Variants in DAB1 observed in about 807,000 individuals in gnomAD.
DAB1 encodes the protein DAB adaptor protein 1.
A neutral mutation model predicts 64.6 loss-of-function variants in DAB1; 15 were observed. That is an observed-to-expected ratio of 0.23 (90% confidence interval 0.16 to 0.36). DAB1 has a LOEUF of 0.36. DAB1 is among the 10% of genes least tolerant of loss of function. The probability of loss-of-function intolerance (pLI) is 1.00; values close to 1 mark genes in which losing one functional copy is unlikely to be tolerated. For missense variants in DAB1, 596 were observed against 706.7 expected, an observed-to-expected ratio of 0.84 and a Z score of 1.78; for synonymous variants, 235 against 251.9, an observed-to-expected ratio of 0.93 and a Z score of 0.64.
At chr1:57,198,109 T>TAC (rs937628862) in intron 2 of DAB1, among the ~76,000 whole-genome samples, 1 of 152,092 alleles carries the variant, frequency 6.6e-6, no homozygotes, top group African/African-American at 2.4e-5. Flanking sequence ...AAACCTCCAA[T>TAC]AAGGTGGAAG....
intron 5 of DAB1, among the ~76,000 whole-genome samples, chr1:57,930,334 C>T (rs1195690702): frequency 1.3e-5 from 2 of 152,182 alleles, no homozygotes; most frequent in Non-Finnish European, 2.9e-5. Flanking sequence ...TCACTTTGTT[C>T]TCCACCAATA....
intron 6 of DAB1, among the ~76,000 whole-genome samples, chr1:57,768,342 G>A (rs3118058): frequency 0.57 from 86,668 of 151,396 alleles, 24,918 homozygotes; most frequent in East Asian, 0.65. Flanking sequence ...TTATGCAGTT[G>A]TTGTAAAGAT....
At chr1:57,555,887 T>C (rs967862570) in intron 7 of DAB1, among the ~76,000 whole-genome samples, 2 of 152,174 alleles carry the variant, frequency 1.3e-5, no homozygotes, top group African/African-American at 4.8e-5. Flanking sequence ...CTTTCATTCC[T>C]TTACATTCTA....
At chr1:57,850,064 A>C (rs1435820724) in intron 1 of DAB1, among the ~76,000 whole-genome samples, 1 of 152,180 alleles carries the variant, frequency 6.6e-6, no homozygotes, top group African/African-American at 2.4e-5. Context: ...TGGACAGGAA[A>C]AAATGGGAGG....
intron 3 of DAB1, among the ~76,000 whole-genome samples, chr1:58,422,918 T>C (rs1426548283): frequency 1.3e-5 from 2 of 152,178 alleles, no homozygotes; most frequent in Admixed American, 1.3e-4. Context: ...CAAATCTGAT[T>C]GGCCAAACTC....
chr1:57,725,945 G>C (rs1213349973), intron 6 of DAB1, among the ~76,000 whole-genome samples: 5 of 152,034 alleles, frequency 3.3e-5, no homozygotes, highest in African/African-American at 1.2e-4. Context: ...GTAGAGACAG[G>C]GTTTCACCAT....
intron 4 of DAB1, among the ~76,000 whole-genome samples, chr1:58,224,324 G>C (rs1424586520): frequency 2.0e-5 from 3 of 152,184 alleles, no homozygotes; most frequent in Non-Finnish European, 4.4e-5. Flanking sequence ...GTAACAAGTA[G>C]TAGCAGTAGC....
At chr1:58,487,348 A>G (rs535100194) in intron 3 of DAB1, among the ~76,000 whole-genome samples, 1 of 152,244 alleles carries the variant, frequency 6.6e-6, no homozygotes, top group Non-Finnish European at 1.5e-5. Flanking sequence ...ATTTGAGGAT[A>G]ATTAACTTGC....
At chr1:57,931,751 A>G (rs1444940357) in intron 5 of DAB1, among the ~76,000 whole-genome samples, 1 of 152,128 alleles carries the variant, frequency 6.6e-6, no homozygotes, top group Non-Finnish European at 1.5e-5. Context: ...TTCCACAGTT[A>G]GCCTGGTTAC....
intron 4 of DAB1, among the ~76,000 whole-genome samples, chr1:57,084,144 T>C (rs1277864108): frequency 6.6e-6 from 1 of 152,184 alleles, no homozygotes; most frequent in Non-Finnish European, 1.5e-5. Context: ...AACAGAGTCA[T>C]TATAGAAGTA....
In DAB1 at chr1:57,207,446, C is replaced by CTTTTTTTTTTTTTTTTTTTTTTTTTT. The variant is rs772989513; in HGVS notation, c.68-62018_68-62017insAAAAAAAAAAAAAAAAAAAAAAAAAA. The stretch of plus-strand genomic sequence containing the variant: ...CTGTAATTCATACCTTATTTCCTTT[C>CTTTTTTTTTTTTTTTTTTTTTTTTTT]TTTTTTTTTTTTTTTGAGATGGAGT... On this transcript the variant is annotated intron_variant, in intron 2 of 14. Coordinates refer to ENST00000371236, the MANE Select transcript of DAB1 (RefSeq NM_001365792.1). Among the ~76,000 whole-genome samples, 21 of 98,450 alleles carry CTTTTTTTTTTTTTTTTTTTTTTTTTT rather than the reference C, an allele frequency of 2.1e-4. 5 individuals carry two copies. Among genetic ancestry groups the CTTTTTTTTTTTTTTTTTTTTTTTTTT allele is most frequent in the African/African-American group, 3.2e-4 (9 of 27,936 alleles). The allele number at this position is 98,450 out of a possible 152,430, so 64.6% of individuals were successfully genotyped here. A position where few individuals can be genotyped will look rare whatever the true frequency, so the allele number is the denominator to read the frequency against.
chr1:58,219,611 C>T (rs768912786), intron 4 of DAB1, among the ~76,000 whole-genome samples: 1 of 152,206 alleles, frequency 6.6e-6, no homozygotes, highest in African/African-American at 2.4e-5. Context: ...ACGCTCCTCA[C>T]CACCCCTTCC....
intron 9 of DAB1, among the ~76,000 whole-genome samples, chr1:57,036,697 C>T (rs1018099690): frequency 1.3e-5 from 2 of 152,118 alleles, no homozygotes; most frequent in African/African-American, 2.4e-5. Flanking sequence ...AAAAACTCAA[C>T]ATGACATCAA....
chr1:57,487,012 G>A (rs553977801), intron 7 of DAB1, among the ~76,000 whole-genome samples: 1 of 151,724 alleles, frequency 6.6e-6, no homozygotes, highest in African/African-American at 2.4e-5. Flanking sequence ...TCAGGAACAG[G>A]TTCCCAAGGA....
intron 2 of DAB1, among the ~76,000 whole-genome samples, chr1:57,178,021 G>A (rs1468873603): frequency 2.0e-5 from 3 of 152,058 alleles, no homozygotes; most frequent in Non-Finnish European, 2.9e-5. Context: ...GTAAAATGGG[G>A]CTATGACTAT....
intron 2 of DAB1, among the ~76,000 whole-genome samples, chr1:57,167,539 A>T (rs1216613761): frequency 6.6e-6 from 1 of 152,122 alleles, no homozygotes; most frequent in Non-Finnish European, 1.5e-5. Context: ...ACTCTCTCAG[A>T]TGCTGTCCAA....
Position 57,315,737 on chromosome 1 carries a change from C to G in DAB1, c.-136-24571G>C, listed in dbSNP as rs568317007. On this transcript the variant is annotated intron_variant, in intron 1 of 14. Transcript: ENST00000371236. The stretch of plus-strand genomic sequence containing the variant: ...CAGGATGGTCTCGATCTCCTGACCT[C>G]GTGATCCGCCCGCCTTGGCTTCCCA... 3.3e-5 allele frequency among the ~76,000 whole-genome samples: 5 copies of G among 152,252 alleles called. No individual in the cohort carries two copies. The East Asian group carries it at 9.7e-4, about 29-fold the overall frequency.
At chr1:57,390,247 A>G (rs2100998503) in intron 1 of DAB1, among the ~76,000 whole-genome samples, 1 of 152,360 alleles carries the variant, frequency 6.6e-6, no homozygotes, top group East Asian at 1.9e-4. Flanking sequence ...AGAAGACCTG[A>G]TGGGATTCAA....
chr1:57,524,578 G>A (rs1644569110), intron 7 of DAB1, among the ~76,000 whole-genome samples: 1 of 152,132 alleles, frequency 6.6e-6, no homozygotes, highest in African/African-American at 2.4e-5. Context: ...TTGTGGGCAG[G>A]GTTGGATCTC....
Sources: gnomAD v4.1 joint callset for allele counts (sites outside exome capture counted in the v4.1 genomes callset) on GRCh38, gnomAD v4.1.1 for gene constraint, MANE v1.5 for transcripts, NCBI Gene and HGNC (gene_info 2026-07-23, HGNC 2026-07-21) for gene names.